DEPDC1: variants seen among roughly 807,000 people sequenced by gnomAD.
DEPDC1 encodes the protein DEP domain-containing protein 1A.
In DEPDC1, 66 loss-of-function variants were observed where a neutral mutation model predicts 86.8. The observed-to-expected ratio is 0.76, with a 90% CI of 0.62 to 0.93. The LOEUF is 0.93. Ranked by LOEUF, DEPDC1 falls within the 40% of genes least tolerant of loss-of-function variation. The pLI, the probability that DEPDC1 is intolerant of heterozygous loss-of-function variation, is 0.00. For missense variants in DEPDC1, 792 were observed against 935.7 expected, an observed-to-expected ratio of 0.85 and a Z score of 2.00; for synonymous variants, 255 against 314.9, an observed-to-expected ratio of 0.81 and a Z score of 2.02.
chr1:68,493,942 C>T (rs1185202875), intron 2 of DEPDC1, among the ~76,000 whole-genome samples: 2 of 152,140 alleles, frequency 1.3e-5, no homozygotes, highest in Non-Finnish European at 2.9e-5. Context: ...CAAGTTGATC[C>T]GCCCACCTCA....
chr1:68,482,681 C>T lies in DEPDC1; in HGVS notation c.1127G>A (p.Cys376Tyr). 6.2e-7 allele frequency: 1 copy of T among 1,612,392 alleles called. No individual in the cohort carries two copies. Among genetic ancestry groups the T allele is most frequent in the Non-Finnish European group, 8.5e-7 (1 of 1,179,168 alleles). Residue 376 changes from cysteine (C) to tyrosine (Y), a missense_variant, in exon 8 of 12, where the codon TGT (cysteine) becomes TAT (tyrosine). Transcript: ENST00000456315. Reference sequence around the variant, plus strand: ...ATTAACTAGCTGCATTTTCTTAGCACATCTTTCTTGAAATCCTGGATTGCT... The same window carrying T: ...ATTAACTAGCTGCATTTTCTTAGCATATCTTTCTTGAAATCCTGGATTGCT... ...QISNPGFQER[C>Y]AKKMQLVNLR...
At chr1:68,494,763 C>A in intron 1 of DEPDC1, 68 bp from the exon 2 acceptor site, 2 of 1,264,998 alleles carry the variant, frequency 1.6e-6, no homozygotes, top group Non-Finnish European at 2.2e-6. Flanking sequence ...ATTTGAAGTA[C>A]ATTAGGTAAA....
intron 4 of DEPDC1, 54 bp from the exon 5 acceptor site, chr1:68,488,558 T>C (rs1646208738): frequency 5.7e-6 from 8 of 1,402,396 alleles, no homozygotes; most frequent in Non-Finnish European, 7.8e-6. Flanking sequence ...ATTATACATA[T>C]GAATATGACT....
rs1448052245 is a variant in DEPDC1, at chr1:68,474,313, A to G, written c.*2619T>C. 1 of 152,130 alleles carries G rather than the reference A, an allele frequency of 6.6e-6. No homozygotes were observed. The highest frequency in any genetic ancestry group is 1.5e-5 in the Non-Finnish European group (1 of 68,004). The allele number at this position is 152,130 out of a possible 1,614,324, so 9.4% of individuals were successfully genotyped here. Reference sequence around the variant, plus strand: ...CAGTTAGGTAGATACTTTAATTCACATTTTACAGATGAGAAGATTCAGAGT... The same window carrying G: ...CAGTTAGGTAGATACTTTAATTCACGTTTTACAGATGAGAAGATTCAGAGT... On this transcript the variant is annotated 3_prime_UTR_variant, in exon 12 of 12. Transcript: ENST00000456315.
At chr1:68,490,656 T>C (rs1362825196) in intron 2 of DEPDC1, among the ~76,000 whole-genome samples, 1 of 152,128 alleles carries the variant, frequency 6.6e-6, no homozygotes, top group East Asian at 1.9e-4. Flanking sequence ...GTTTTGGTTT[T>C]AGGATTTTAA....
At chr1:68,480,227 A>T (rs191492778) in intron 9 of DEPDC1, among the ~76,000 whole-genome samples, 151 of 124,012 alleles carry the variant, frequency 1.2e-3, no homozygotes, top group African/African-American at 4.5e-3. Context: ...ACTTTCACTT[A>T]TATCTATGCA....
In DEPDC1 at chr1:68,496,932, G is replaced by C. The variant is rs575670315; in HGVS notation, c.48+20C>G. 3 of 1,609,422 alleles carry C rather than the reference G, an allele frequency of 1.9e-6. No homozygotes were observed. Among genetic ancestry groups the C allele is most frequent in the African/African-American group, 1.3e-5 (1 of 74,414 alleles). Reference sequence around the variant, plus strand: ...TGCCGTCAGCCCGCTGACCGGTCCCGTCTATCCGAGCTGTCTTACCAGCTT... The same window carrying C: ...TGCCGTCAGCCCGCTGACCGGTCCCCTCTATCCGAGCTGTCTTACCAGCTT... On this transcript the variant is annotated intron_variant, in intron 1 of 11. Coordinates refer to ENST00000456315, the MANE Select transcript of DEPDC1 (RefSeq NM_001114120.3). This position sits in a 1 kb window ranked among gnomAD's most constrained non-coding sequence, Gnocchi z 4.0.
chr1:68,481,340 TTAAGAC>T (rs1428304367), intron 9 of DEPDC1, 94 bp downstream of exon 9: 41 of 1,091,710 alleles, frequency 3.8e-5, no homozygotes, highest in Non-Finnish European at 5.0e-5. Flanking sequence ...ATCTAGCACT[TTAAGAC>T]TAAGACATCA....
chr1:68,491,913 C>T (rs527954423), intron 2 of DEPDC1, among the ~76,000 whole-genome samples: 4 of 150,548 alleles, frequency 2.7e-5, no homozygotes, highest in South Asian at 4.2e-4. Context: ...CCATGCCTGG[C>T]TAATTAATTT....
chr1:68,481,650 A>C (rs763034818), intron 8 of DEPDC1, 38 bp from the exon 9 acceptor site: 3 of 1,514,362 alleles, frequency 2.0e-6, no homozygotes, highest in Non-Finnish European at 2.7e-6. Context: ...ATCATCAATG[A>C]CACTAGTTGC....
At chr1:68,490,566 T>C (rs1646223178) in intron 2 of DEPDC1, among the ~76,000 whole-genome samples, 1 of 152,206 alleles carries the variant, frequency 6.6e-6, no homozygotes, top group Non-Finnish European at 1.5e-5. Context: ...TGAACATACG[T>C]GTACATGTGT....
intron 6 of DEPDC1, among the ~76,000 whole-genome samples, chr1:68,486,696 GA>G (rs764090996): frequency 1.1e-4 from 17 of 151,614 alleles, no homozygotes; most frequent in South Asian, 2.1e-4. Flanking sequence ...TAATATATGT[GA>G]ACTAAACCAT....
chr1:68,477,129 G>A, intron 11 of DEPDC1, 60 bp from the exon 12 acceptor site: 1 of 1,374,956 alleles, frequency 7.3e-7, no homozygotes, highest in East Asian at 2.3e-5. Context: ...CTGAAGCAGT[G>A]CTCAACATTT....
intron 2 of DEPDC1, 96 bp downstream of exon 2, chr1:68,494,334 T>A: frequency 8.6e-7 from 1 of 1,159,194 alleles, no homozygotes; most frequent in South Asian, 1.9e-5. Context: ...GAAATAAAAC[T>A]TCTTTGAAGA....
chr1:68,483,649 C>G (rs1286304956), intron 7 of DEPDC1: 1 of 245,166 alleles, frequency 4.1e-6, no homozygotes, highest in Non-Finnish European at 7.9e-6. Flanking sequence ...TGTAACTCTT[C>G]CATTTGGCTA....
In DEPDC1 at chr1:68,482,115, A is replaced by G. The variant is rs746267128; in HGVS notation, c.1693T>C (p.Cys565Arg). ...TCTGAAAGTTCTATTGTACTTTTGC[A>G]GAGTCTTTTATTGATTGTGGCACTA... is the stretch of plus-strand genomic sequence containing the variant. ...ESSATINKRL[C>R]KSTIELSENS... is the part of the protein sequence containing the mutation. The change falls in exon 8 of 12, where the codon TGC becomes CGC. Residue 565 changes from cysteine to arginine, a missense_variant. Coordinates refer to ENST00000456315, the MANE Select transcript of DEPDC1 (RefSeq NM_001114120.3). The G allele has an allele frequency of 1.2e-6, 2 of 1,610,416 alleles. No individual in the cohort carries two copies. The highest frequency in any genetic ancestry group is 2.7e-5 in the African/African-American group (2 of 74,658).
rs756551658 is a variant in DEPDC1 at position 68,486,884 on chromosome 1, A to T, written c.769+53T>A. ...TCTTGTTAAATACTATCAATATAAC[A>T]CACACACACACACACACACACACAC... On this transcript the variant is annotated intron_variant, in intron 6 of 11. Transcript: ENST00000456315. 7.9e-4 allele frequency: 221 copies of T among 279,892 alleles called. No homozygotes were observed. The highest frequency in any genetic ancestry group is 1.0e-3 in the Non-Finnish European group (201 of 201,730). 17.3% of individuals were successfully genotyped at this position (279,892 alleles called of 1,614,324 possible).
intron 5 of DEPDC1, among the ~76,000 whole-genome samples, 185 bp from the exon 6 acceptor site, chr1:68,487,169 C>G (rs1278608262): frequency 6.6e-6 from 1 of 151,732 alleles, no homozygotes; most frequent in Non-Finnish European, 1.5e-5. Flanking sequence ...AGGATCAAGT[C>G]AATATTTTAA....
At chr1:68,481,382 GGTTTT>G in intron 9 of DEPDC1, 53 bp downstream of exon 9, 1 of 1,463,990 alleles carries the variant, frequency 6.8e-7, no homozygotes, top group Non-Finnish European at 9.4e-7. Context: ...TACGTAGTTT[GGTTTT>G]GTTATTTTGG....
Sources: gnomAD v4.1 joint callset for allele counts (sites outside exome capture counted in the v4.1 genomes callset) on GRCh38, gnomAD v4.1.1 for gene constraint, Gnocchi (gnomAD v3.1) non-coding constraint, MANE v1.5 for transcripts, NCBI Gene and HGNC (gene_info 2026-07-23, HGNC 2026-07-21) for gene names.